The following CPVL variants were observed in gnomAD, a reference collection of about 807,000 sequenced individuals.
CPVL encodes carboxypeptidase vitellogenic like, also known as probable serine carboxypeptidase CPVL.
Under a neutral mutation model 63.7 loss-of-function variants are expected in CPVL, and 51 were observed. The observed-to-expected ratio is 0.80, with a 90% confidence interval of 0.64 to 1.01. The LOEUF (loss-of-function observed/expected upper bound fraction) is 1.01, where lower values mean the gene tolerates loss of function less well. CPVL is among the 50% of genes least tolerant of loss of function. CPVL has a pLI of 0.00. For synonymous variants in CPVL, 195 were observed against 206.0 expected, an observed-to-expected ratio of 0.95 and a Z score of 0.46; for missense variants, 530 against 573.1, an observed-to-expected ratio of 0.92 and a Z score of 0.77.
At chr7:29,121,307 A>G (rs765995256) in intron 1 of CPVL, among the ~76,000 whole-genome samples, 4 of 146,948 alleles carry the variant, frequency 2.7e-5, no homozygotes, top group Non-Finnish European at 6.0e-5. Flanking sequence ...TCAATTACTG[A>G]TTTTTTTTTT....
chr7:28,995,131 T>A (rs1783945153), downstream of CPVL: 2 of 152,194 alleles, frequency 1.3e-5, no homozygotes, highest in African/African-American at 4.8e-5. Context: ...TTCAGAAGTG[T>A]GTACACCTCA....
intron 5 of CPVL, among the ~76,000 whole-genome samples, chr7:29,158,956 T>C (rs934668811): frequency 2.2e-4 from 34 of 152,236 alleles, no homozygotes; most frequent in Admixed American, 2.2e-3. Context: ...CCAAATAAGA[T>C]ACCCTGCGGC....
rs927638262 is a variant in CPVL, at chr7:29,071,687, G to A, written c.864+86C>T. On this transcript the variant is annotated intron_variant, in intron 9 of 12. Coordinates refer to ENST00000265394, the MANE Select transcript of CPVL (RefSeq NM_031311.5). ...ATACCTTCTTAACAAAAAAATGCCT[G>A]AGCACCAAGGTGTTCCTGCTCACCC... The A allele has an allele frequency of 2.0e-6, 3 of 1,468,120 alleles. No homozygotes were observed. The African/African-American group carries it at 4.2e-5, about 21-fold the overall frequency. The allele number at this position is 1,468,120 out of a possible 1,614,324, so 90.9% of individuals were successfully genotyped here.
intron 11 of CPVL, among the ~76,000 whole-genome samples, chr7:29,049,821 G>A (rs1300602754): frequency 6.6e-6 from 1 of 152,092 alleles, no homozygotes; most frequent in Non-Finnish European, 1.5e-5. Context: ...TCCATCATGT[G>A]ATCAAGTGGG....
At chr7:29,047,761 C>T (rs532299460) in intron 11 of CPVL, among the ~76,000 whole-genome samples, 3 of 152,126 alleles carry the variant, frequency 2.0e-5, no homozygotes, top group South Asian at 2.1e-4. Context: ...AAAGTTAAGA[C>T]GAAAGAAAGA....
chr7:29,063,844 T>C (rs1181985798), intron 11 of CPVL, among the ~76,000 whole-genome samples: 1 of 151,962 alleles, frequency 6.6e-6, no homozygotes, highest in Admixed American at 6.6e-5. Context: ...AGCACTGGGA[T>C]TACAGGTATA....
intron 11 of CPVL, among the ~76,000 whole-genome samples, chr7:29,061,950 A>G (rs1782645999): frequency 6.6e-6 from 1 of 151,918 alleles, no homozygotes; most frequent in Non-Finnish European, 1.5e-5. Flanking sequence ...TCTCAAAAAA[A>G]AAAAAAAAAA....
chr7:29,144,107 G>A (rs1209164307), intron 1 of CPVL, among the ~76,000 whole-genome samples: 5 of 152,206 alleles, frequency 3.3e-5, no homozygotes, highest in Non-Finnish European at 7.3e-5. Flanking sequence ...AGACGTTAAT[G>A]AGTCATTGTT....
rs574397896 is a variant in CPVL at position 29,020,017 on chromosome 7, C to T, written c.1320+10560G>A. Among the ~76,000 whole-genome samples, 10 of 152,264 alleles carry T rather than the reference C, an allele frequency of 6.6e-5. No individual in the cohort carries two copies. In the South Asian group the frequency reaches 1.7e-3, roughly 25 times the overall value. On this transcript the variant is annotated intron_variant, in intron 12 of 12. Transcript: ENST00000265394. ...GTTTTGCATTCACAAGAAGAGTCAG[C>T]GGGTTGAGTGTGATATTTGCCACCA...
chr7:29,086,484 C>T lies in CPVL; in HGVS notation c.609G>A (p.Glu203=). The part of the protein sequence containing the change: ...YKNNDFYVTG[E]SYAGKYVPAI... ...ACAAGGAAACGTGACTTCTACTTAC[C>T]TCCCCAGTGACATAAAAGTCATTAT... Residue 203 remains glutamate (E), a splice_region_variant and synonymous_variant, in exon 7 of 13, where the codon GAG becomes GAA. Coordinates refer to ENST00000265394, the MANE Select transcript of CPVL (RefSeq NM_031311.5). The T allele has an allele frequency of 1.2e-6, 2 of 1,607,620 alleles. No homozygotes were observed. The highest frequency in any genetic ancestry group is 1.7e-6 in the Non-Finnish European group (2 of 1,174,362).
intron 12 of CPVL, among the ~76,000 whole-genome samples, chr7:29,021,884 T>C (rs1562726929): frequency 6.6e-6 from 1 of 152,000 alleles, no homozygotes; most frequent in Non-Finnish European, 1.5e-5. Flanking sequence ...CCCCTACATC[T>C]ACTCAAAGGT....
At position 29,095,126 on chromosome 7, in the gene CPVL, G is replaced by C; in HGVS notation, c.420C>G (p.Phe140Leu). Residue 140 changes from phenylalanine (F) to leucine (L), a missense_variant, in exon 5 of 13, where the codon TTC (phenylalanine) becomes TTG (leucine). Phe to Leu is a conservative substitution (Grantham distance 22). Coordinates refer to ENST00000265394, the MANE Select transcript of CPVL (RefSeq NM_031311.5). ...TSNMTLRDRD[F>L]PWTTTLSMLY... The stretch of plus-strand genomic sequence containing the variant: ...GCATGGAGAGCGTTGTGGTCCAGGG[G>C]AAGTCTCTGTCACGCACTGTGAAAA... 6.2e-7 allele frequency: 1 copy of C among 1,613,940 alleles called. No individual in the cohort carries two copies. The highest frequency in any genetic ancestry group is 8.5e-7 in the Non-Finnish European group (1 of 1,179,862).
chr7:29,123,941 A>G (rs1445923182), intron 1 of CPVL, among the ~76,000 whole-genome samples: 1 of 152,042 alleles, frequency 6.6e-6, no homozygotes, highest in African/African-American at 2.4e-5. Context: ...TAAAAGTAAG[A>G]ATTGGGTCAA....
chr7:28,995,859 A>T lies in CPVL; in HGVS notation c.1344T>A (p.His448Gln). 8.1e-6 allele frequency: 13 copies of T among 1,596,632 alleles called. No individual in the cohort carries two copies. The highest frequency in any genetic ancestry group is 1.1e-5 in the Non-Finnish European group (13 of 1,173,054). ...FHQVIIRGGG[H>Q]ILPYDQPLRA... ...TCAGAGGCTGGTCATAGGGTAAAATATGTCCTCCACCTCGAATAATTACCT... is the reference window on the plus strand; with the variant it reads ...TCAGAGGCTGGTCATAGGGTAAAATTTGTCCTCCACCTCGAATAATTACCT... The change falls in exon 13 of 13, where the codon CAT (histidine) becomes CAA (glutamine). Residue 448 changes from histidine (H) to glutamine (Q), a missense_variant. Coordinates refer to ENST00000265394, the MANE Select transcript of CPVL (RefSeq NM_031311.5).
chr7:29,120,447 AAAT>A (rs1789246359), intron 2 of CPVL, among the ~76,000 whole-genome samples: 2 of 151,286 alleles, frequency 1.3e-5, no homozygotes, highest in Admixed American at 1.3e-4. Context: ...CAAACAAACA[AAAT>A]ATATATATAT....
intron 5 of CPVL, among the ~76,000 whole-genome samples, chr7:29,175,695 A>G (rs1797223206): frequency 6.6e-6 from 1 of 152,162 alleles, no homozygotes; most frequent in Non-Finnish European, 1.5e-5. Flanking sequence ...AAATTGATTG[A>G]TAGCCAACGG....
At position 29,018,214 on chromosome 7, in the gene CPVL, GA is replaced by G. The variant is rs1316745300; in HGVS notation, c.1320+12362del. ...CTCAACATTTTTTCAATATTTATAT[GA>G]AAAATAATTTGTGTCAATAAAGATA... On this transcript the variant is annotated intron_variant, in intron 12 of 12. Transcript: ENST00000265394. 3.3e-5 allele frequency among the ~76,000 whole-genome samples: 5 copies of G among 151,392 alleles called. No homozygotes were observed. The East Asian group carries it at 7.8e-4, about 24-fold the overall frequency.
chr7:29,056,474 GA>G (rs1790742943), intron 11 of CPVL, among the ~76,000 whole-genome samples: 1 of 152,128 alleles, frequency 6.6e-6, no homozygotes, highest in East Asian at 1.9e-4. Flanking sequence ...CTTTCACTCA[GA>G]AATATGCATT....
chr7:29,129,498 T>G (rs1790450771), intron 1 of CPVL, among the ~76,000 whole-genome samples: 1 of 144,918 alleles, frequency 6.9e-6, no homozygotes. Context: ...TTGAGACGAG[T>G]CTCGCTCGGT....
Sources: gnomAD v4.1 joint callset for allele counts (sites outside exome capture counted in the v4.1 genomes callset) on GRCh38, gnomAD v4.1.1 for gene constraint, MANE v1.5 for transcripts, NCBI Gene and HGNC (gene_info 2026-07-23, HGNC 2026-07-21) for gene names.